The following CERT1 variants were observed in gnomAD, a reference collection of about 807,000 sequenced individuals.
CERT1 encodes ceramide transporter 1.
A neutral mutation model predicts 87.9 loss-of-function variants in CERT1; 31 were observed. The observed-to-expected ratio is 0.35, with a 90% CI of 0.27 to 0.48. The LOEUF (loss-of-function observed/expected upper bound fraction) is 0.48. CERT1 is among the 20% of genes least tolerant of loss of function. The probability of loss-of-function intolerance (pLI) is 0.99; values close to 1 mark genes in which losing one functional copy is unlikely to be tolerated. For synonymous variants in CERT1, 289 were observed against 250.9 expected, an observed-to-expected ratio of 1.15 and a Z score of -1.44; for missense variants, 487 against 758.0, an observed-to-expected ratio of 0.64 and a Z score of 4.20.
At chr5:75,373,771 T>C (rs372868528), downstream of CERT1, 9 of 251,798 alleles carry the variant, frequency 3.6e-5, no homozygotes, top group Non-Finnish European at 6.7e-5. Context: ...ACATGCCCCA[T>C]GTGCATTCAA....
At chr5:75,387,650 G>A (rs1457938099) in intron 12 of CERT1, among the ~76,000 whole-genome samples, 1 of 151,730 alleles carries the variant, frequency 6.6e-6, no homozygotes. Flanking sequence ...GCTGAGGCAG[G>A]AGAATCACTT....
At chr5:75,510,034 C>T (rs1368086262) in intron 1 of CERT1, among the ~76,000 whole-genome samples, 1 of 152,198 alleles carries the variant, frequency 6.6e-6, no homozygotes, top group Non-Finnish European at 1.5e-5. Flanking sequence ...GCTTTCTAGA[C>T]ATTATAAAAG....
chr5:75,470,467 C>T (rs1765656495), intron 2 of CERT1, among the ~76,000 whole-genome samples: 1 of 152,058 alleles, frequency 6.6e-6, no homozygotes, highest in Admixed American at 6.6e-5. Context: ...AATGGTTCAA[C>T]ACAAACAAAT....
chr5:75,402,978 T>C lies in CERT1; in HGVS notation c.1011A>G (p.Glu337=). 6.2e-7 allele frequency: 1 copy of C among 1,601,892 alleles called. No individual in the cohort carries two copies. ...TTTTCAATAATAGATATACCTGTTC[T>C]TCTATTTTATCTTGTCTGTCAAGAG... ...EAALDRQDKI[E]EQSQSEKVRL... is the part of the protein sequence containing the mutation. Residue 337 remains glutamate, a synonymous_variant, in exon 9 of 17, where the codon GAA becomes GAG. Transcript: ENST00000643780.
intron 1 of CERT1, among the ~76,000 whole-genome samples, chr5:75,506,801 T>G (rs913585747): frequency 6.6e-6 from 1 of 152,182 alleles, no homozygotes; most frequent in African/African-American, 2.4e-5. Flanking sequence ...AAAATAAAAT[T>G]GCTTTTCAAA....
chr5:75,449,628 T>C (rs1678872501), intron 3 of CERT1, among the ~76,000 whole-genome samples: 1 of 152,154 alleles, frequency 6.6e-6, no homozygotes. Context: ...TTTCCAAGTG[T>C]GTGCACAATT....
chr5:75,413,630 G>A (rs1205619809), intron 7 of CERT1, among the ~76,000 whole-genome samples: 1 of 151,712 alleles, frequency 6.6e-6, no homozygotes, highest in East Asian at 1.9e-4. Flanking sequence ...CTCAAAAAAA[G>A]AAAGACTGTC....
At chr5:75,399,172 CTT>C (rs1254725207) in intron 11 of CERT1, 136 bp downstream of exon 11, 1 of 647,372 alleles carries the variant, frequency 1.5e-6, no homozygotes, top group Non-Finnish European at 2.8e-6. Context: ...CAAGGAAGAC[CTT>C]TTTAATGCTT....
intron 14 of CERT1, 50 bp downstream of exon 14, chr5:75,384,592 G>A (rs1178811318): frequency 7.7e-7 from 1 of 1,291,994 alleles, no homozygotes; most frequent in East Asian, 2.3e-5. Context: ...CTATATGTCT[G>A]AGTTTGAACT....
At chr5:75,369,613 C>T (rs1200945243) in intron 17 of CERT1, 1 of 152,182 alleles carries the variant, frequency 6.6e-6, no homozygotes, top group African/African-American at 2.4e-5. Context: ...ACCGCTACCA[C>T]CTCCACAGGA....
At chr5:75,496,095 C>T (rs935839120) in intron 2 of CERT1, among the ~76,000 whole-genome samples, 14 of 152,050 alleles carry the variant, frequency 9.2e-5, no homozygotes, top group South Asian at 4.1e-4. Flanking sequence ...ACAAACGTTA[C>T]GGTATCCAGA....
chr5:75,506,512 G>A (rs901283216), intron 1 of CERT1, among the ~76,000 whole-genome samples: 1 of 152,148 alleles, frequency 6.6e-6, no homozygotes, highest in African/African-American at 2.4e-5. Flanking sequence ...AGTATGTTCA[G>A]TTATGTATGT....
At chr5:75,372,518 T>C (rs1031625145) in intron 17 of CERT1, 1 of 152,208 alleles carries the variant, frequency 6.6e-6, no homozygotes, top group Non-Finnish European at 1.5e-5. Flanking sequence ...AGTCAAATTA[T>C]GAACAGCATT....
Position 75,410,406 on chromosome 5 carries a change from G to A in CERT1, c.930+605C>T, listed in dbSNP as rs552776460. Among the ~76,000 whole-genome samples, 139 of 152,010 alleles carry A rather than the reference G, an allele frequency of 9.1e-4. 1 individual carries two copies. Among genetic ancestry groups the A allele is most frequent in the African/African-American group, 3.1e-3 (128 of 41,486 alleles). The stretch of plus-strand genomic sequence containing the variant: ...GGGCGGATCACGAGGTCAGGAGATC[G>A]AGACCATCCTGGCTAACATGGTGAA... On this transcript the variant is annotated intron_variant, in intron 8 of 16. Transcript: ENST00000643780.
chr5:75,425,728 A>G (rs1763589206), intron 4 of CERT1, among the ~76,000 whole-genome samples: 1 of 152,248 alleles, frequency 6.6e-6, no homozygotes, highest in African/African-American at 2.4e-5. Context: ...TCGTGATATC[A>G]CTTATAAATA....
intron 2 of CERT1, among the ~76,000 whole-genome samples, chr5:75,489,717 T>C (rs982848226): frequency 3.3e-5 from 5 of 152,156 alleles, no homozygotes; most frequent in Non-Finnish European, 7.3e-5. Context: ...ATGGAGATCA[T>C]TAAAAAGTCA....
chr5:75,387,542 G>T (rs1334816078), intron 12 of CERT1, among the ~76,000 whole-genome samples: 2 of 151,924 alleles, frequency 1.3e-5, no homozygotes, highest in African/African-American at 2.4e-5. Flanking sequence ...AGGAGTTCAA[G>T]ACCAGCCTAG....
At chr5:75,414,575 A>C (rs1763065248) in intron 7 of CERT1, among the ~76,000 whole-genome samples, 1 of 152,118 alleles carries the variant, frequency 6.6e-6, no homozygotes, top group Non-Finnish European at 1.5e-5. Flanking sequence ...TAATTGCCTA[A>C]TTTTAGAATT....
chr5:75,490,562 G>A (rs779278378), intron 2 of CERT1, among the ~76,000 whole-genome samples: 8 of 151,610 alleles, frequency 5.3e-5, no homozygotes, highest in African/African-American at 1.5e-4. Flanking sequence ...GCAGTGGCGC[G>A]ATCTCGGCTC....
Sources: gnomAD v4.1 joint callset for allele counts (sites outside exome capture counted in the v4.1 genomes callset) on GRCh38, gnomAD v4.1.1 for gene constraint, MANE v1.5 for transcripts, NCBI Gene and HGNC (gene_info 2026-07-23, HGNC 2026-07-21) for gene names.